The following OPCML variants were observed in gnomAD, a reference collection of about 807,000 sequenced individuals.
OPCML encodes the protein opioid-binding protein/cell adhesion molecule.
OPCML carries 13 observed loss-of-function variants against 37.8 expected under a neutral mutation model. The ratio of observed to expected loss-of-function variants is 0.34; its 90% CI spans 0.22 to 0.55. The LOEUF (loss-of-function observed/expected upper bound fraction) is 0.55, where lower values mean the gene tolerates loss of function less well. OPCML is among the 20% of genes least tolerant of loss of function. OPCML has a pLI of 0.91. For synonymous variants in OPCML, 176 were observed against 168.8 expected (o/e 1.04, Z -0.33); for missense variants, 341 against 435.6 (o/e 0.78, Z 1.93).
intron 1 of OPCML, among the ~76,000 whole-genome samples, chr11:133,394,310 G>T (rs1238551148): frequency 6.6e-6 from 1 of 151,830 alleles, no homozygotes; most frequent in Middle Eastern, 3.4e-3. Context: ...TATATGTATG[G>T]GTTACATGAG....
chr11:132,861,137 T>A (rs527641893), intron 2 of OPCML, among the ~76,000 whole-genome samples: 17 of 152,342 alleles, frequency 1.1e-4, no homozygotes, highest in African/African-American at 3.8e-4. Flanking sequence ...ACTCAAAATG[T>A]TAAATAACTC....
At chr11:132,883,701 C>T (rs1316166763) in intron 2 of OPCML, among the ~76,000 whole-genome samples, 1 of 152,176 alleles carries the variant, frequency 6.6e-6, no homozygotes, top group East Asian at 1.9e-4. Context: ...TATGTGTCAA[C>T]TGTATTTCTA....
intron 1 of OPCML, among the ~76,000 whole-genome samples, chr11:132,993,029 C>G (rs1946809957): frequency 6.6e-6 from 1 of 152,140 alleles, no homozygotes; most frequent in Admixed American, 6.5e-5. Flanking sequence ...GGAGTTTGTG[C>G]CGCAGTTCAG....
intron 1 of OPCML, among the ~76,000 whole-genome samples, chr11:133,309,791 G>A (rs950015015): frequency 1.2e-4 from 19 of 152,208 alleles, no homozygotes; most frequent in African/African-American, 3.6e-4. Flanking sequence ...TAGAGGACAG[G>A]GGAGCAGAAT....
chr11:132,999,563 T>TGTGG (rs1555072764), intron 1 of OPCML, among the ~76,000 whole-genome samples: 1 of 128,522 alleles, frequency 7.8e-6, no homozygotes, highest in African/African-American at 3.5e-5. Context: ...AAGTGACAAA[T>TGTGG]GGGGTCGGGG....
chr11:132,608,244 C>T (rs1376640023), intron 3 of OPCML, among the ~76,000 whole-genome samples: 1 of 152,166 alleles, frequency 6.6e-6, no homozygotes, highest in Admixed American at 6.5e-5. Flanking sequence ...ATTCTATGTG[C>T]TTGACTGCTG....
chr11:132,426,049 A>G (rs1257050921), intron 7 of OPCML, among the ~76,000 whole-genome samples: 1 of 152,360 alleles, frequency 6.6e-6, no homozygotes, highest in East Asian at 1.9e-4. Context: ...AATGTTAAAA[A>G]TTAATGGCTT....
At chr11:132,466,490 A>AC (rs2096120571) in intron 4 of OPCML, among the ~76,000 whole-genome samples, 1 of 152,030 alleles carries the variant, frequency 6.6e-6, no homozygotes, top group East Asian at 1.9e-4. Context: ...TCTCGGAAAA[A>AC]AAAAAAAAAG....
At chr11:133,007,479 T>G (rs1370242719) in intron 1 of OPCML, 1 of 985,348 alleles carries the variant, frequency 1.0e-6, no homozygotes, top group East Asian at 1.1e-4. Flanking sequence ...ATTCTATTAA[T>G]TTGTTAATGA....
chr11:133,456,361 T>C (rs1230118038), intron 1 of OPCML, among the ~76,000 whole-genome samples: 1 of 152,186 alleles, frequency 6.6e-6, no homozygotes, highest in East Asian at 1.9e-4. Context: ...CACTTCAGGC[T>C]GATCCCGAGG....
chr11:133,370,662 A>T (rs1211310488), intron 1 of OPCML, among the ~76,000 whole-genome samples: 1 of 152,152 alleles, frequency 6.6e-6, no homozygotes, highest in South Asian at 2.1e-4. Context: ...CCATGGAAAA[A>T]ATCAACTCAA....
intron 1 of OPCML, among the ~76,000 whole-genome samples, chr11:132,948,808 C>T (rs1021964156): frequency 3.3e-5 from 5 of 152,068 alleles, no homozygotes; most frequent in African/African-American, 7.2e-5. Flanking sequence ...CACATGATAA[C>T]GATTTGTGAC....
intron 4 of OPCML, among the ~76,000 whole-genome samples, chr11:132,517,809 C>T (rs904803266): frequency 1.3e-5 from 2 of 152,020 alleles, no homozygotes; most frequent in Admixed American, 1.3e-4. Flanking sequence ...AGAAAGTATT[C>T]AGAATAGATA....
intron 2 of OPCML, among the ~76,000 whole-genome samples, chr11:132,868,433 T>C (rs1028918808): frequency 6.6e-6 from 1 of 151,992 alleles, no homozygotes; most frequent in African/African-American, 2.4e-5. Flanking sequence ...GTCAGCCCTG[T>C]AGGCGCCACG....
At chr11:132,462,431 A>T (rs1398372764) in intron 4 of OPCML, among the ~76,000 whole-genome samples, 1 of 152,212 alleles carries the variant, frequency 6.6e-6, no homozygotes, top group Non-Finnish European at 1.5e-5. Context: ...TGAGGATTTG[A>T]GCCCCACACA....
intron 1 of OPCML, among the ~76,000 whole-genome samples, chr11:133,166,432 A>T (rs191331735): frequency 6.6e-6 from 1 of 152,372 alleles, no homozygotes; most frequent in African/African-American, 2.4e-5. Context: ...TCCTGATGGC[A>T]GAGCTGGGAG....
At chr11:132,865,024 C>T (rs925398173) in intron 2 of OPCML, among the ~76,000 whole-genome samples, 9 of 152,214 alleles carry the variant, frequency 5.9e-5, no homozygotes, top group Admixed American at 2.6e-4. Flanking sequence ...GCATTAGCTC[C>T]GCAAGTCAGG....
chr11:132,494,377 G>GT (rs997736002), intron 4 of OPCML, among the ~76,000 whole-genome samples: 1 of 152,096 alleles, frequency 6.6e-6, no homozygotes, highest in Non-Finnish European at 1.5e-5. Context: ...ATGAAATAAA[G>GT]TTTTTTTCTT....
intron 3 of OPCML, among the ~76,000 whole-genome samples, chr11:132,533,458 T>G (rs1385908560): frequency 6.6e-6 from 1 of 152,134 alleles, no homozygotes; most frequent in African/African-American, 2.4e-5. Flanking sequence ...AACGGACAGA[T>G]AGACGGATAG....
Sources: gnomAD v4.1 joint callset for allele counts (sites outside exome capture counted in the v4.1 genomes callset) on GRCh38, gnomAD v4.1.1 for gene constraint, MANE v1.5 for transcripts, NCBI Gene and HGNC (gene_info 2026-07-23, HGNC 2026-07-21) for gene names.